WIPF2: variants seen among roughly 807,000 people sequenced by gnomAD.
The protein encoded by WIPF2 is WAS/WASL interacting protein family member 2.
WIPF2 carries 23 observed loss-of-function variants against 38.8 expected under a neutral mutation model. The ratio of observed to expected loss-of-function variants is 0.59; its 90% CI spans 0.43 to 0.84. The LOEUF is 0.84. WIPF2 is among the 40% of genes least tolerant of loss of function. The pLI is 0.00. For synonymous variants in WIPF2, 210 were observed against 223.2 expected (o/e 0.94, Z 0.53); for missense variants, 574 against 580.5 (o/e 0.99, Z 0.11).
chr17:40,261,686 T>TTTG (rs1567720738), intron 3 of WIPF2, among the ~76,000 whole-genome samples: 9 of 148,924 alleles, frequency 6.0e-5, no homozygotes, highest in African/African-American at 2.2e-4. Context: ...TTTTTGGTTT[T>TTTG]TTTTGTTTTT....
At chr17:40,277,241 A>G in intron 7 of WIPF2, 57 bp downstream of exon 7, 1 of 1,471,792 alleles carries the variant, frequency 6.8e-7, no homozygotes, top group Non-Finnish European at 9.3e-7. Context: ...GAATCTGTGC[A>G]TTTTCTTAGG....
chr17:40,265,099 G>A lies in WIPF2; in HGVS notation c.923G>A (p.Ser308Asn). Reference sequence around the variant, plus strand: ...ACCTCGGCCTCCCCATCTTTACTGAGTAATAGGCCACCTCCCCCAGCCCGA... The same window carrying A: ...ACCTCGGCCTCCCCATCTTTACTGAATAATAGGCCACCTCCCCCAGCCCGA... ...PPTSASPSLL[S>N]NRPPPPARDP... is the part of the protein sequence containing the mutation. Residue 308 changes from serine to asparagine, a missense_variant, in exon 5 of 8, where the codon AGT becomes AAT. Ser to Asn is a conservative substitution (Grantham distance 46, BLOSUM62 1). Transcript: ENST00000323571. 6.2e-7 allele frequency: 1 copy of A among 1,613,430 alleles called. No homozygotes were observed. The highest frequency in any genetic ancestry group is 8.5e-7 in the Non-Finnish European group (1 of 1,179,762).
chr17:40,255,481 A>G (rs1033782404), intron 1 of WIPF2, among the ~76,000 whole-genome samples: 8 of 151,428 alleles, frequency 5.3e-5, no homozygotes, highest in Admixed American at 1.3e-4. Context: ...ATGTGCCACC[A>G]TGCCCAGTTA....
In WIPF2 at chr17:40,238,614, TTTA is replaced by T. The variant is rs1249745064; in HGVS notation, c.-69-17768_-69-17766del. 3.8e-3 allele frequency among the ~76,000 whole-genome samples: 578 copies of T among 151,818 alleles called. 2 individuals carry two copies. Among genetic ancestry groups the T allele is most frequent in the African/African-American group, 0.014 (559 of 41,402 alleles). On this transcript the variant is annotated intron_variant, in intron 1 of 7. Coordinates refer to ENST00000323571, the MANE Select transcript of WIPF2 (RefSeq NM_133264.5). ...CACTGCACCTGCCCTTATTTATTTA[TTTA>T]TTATTATTTTTTTGAGACAGAATCT...
intron 1 of WIPF2, among the ~76,000 whole-genome samples, chr17:40,255,658 TCG>T (rs2031700876): frequency 7.7e-6 from 1 of 129,552 alleles, no homozygotes; most frequent in Non-Finnish European, 1.6e-5. Flanking sequence ...AGACGGAATC[TCG>T]CTCTGTCATC....
At chr17:40,231,239 G>C (rs2030726690) in intron 1 of WIPF2, among the ~76,000 whole-genome samples, 1 of 152,128 alleles carries the variant, frequency 6.6e-6, no homozygotes, top group Admixed American at 6.6e-5. Context: ...TTTGTTATTA[G>C]ATTATCTGTG....
intron 7 of WIPF2, 28 bp from the exon 8 acceptor site, chr17:40,278,157 G>A (rs2032464123): frequency 6.2e-7 from 1 of 1,607,322 alleles, no homozygotes; most frequent in Non-Finnish European, 8.5e-7. Context: ...ACCTGTATGT[G>A]TGTGGTCTTT....
chr17:40,244,697 A>G (rs2031302857), intron 1 of WIPF2, among the ~76,000 whole-genome samples: 1 of 152,158 alleles, frequency 6.6e-6, no homozygotes, highest in African/African-American at 2.4e-5. Flanking sequence ...CTATATATAA[A>G]GCCTCAGATT....
chr17:40,263,926 G>A lies in WIPF2; in HGVS notation c.314-564G>A, dbSNP rs140704798. On this transcript the variant is annotated intron_variant, in intron 4 of 7. Coordinates refer to ENST00000323571, the MANE Select transcript of WIPF2 (RefSeq NM_133264.5). ...TAGTTTGATTTAATCATTCCACAAC[G>A]TATACATATAACGAGACATTGTACC... is the stretch of plus-strand genomic sequence containing the variant. 2.7e-3 allele frequency among the ~76,000 whole-genome samples: 414 copies of A among 151,906 alleles called. 2 individuals carry two copies. The highest frequency in any genetic ancestry group is 9.4e-3 in the African/African-American group (390 of 41,394).
chr17:40,244,202 T>C (rs976135882), intron 1 of WIPF2, among the ~76,000 whole-genome samples: 1 of 152,186 alleles, frequency 6.6e-6, no homozygotes, highest in African/African-American at 2.4e-5. Context: ...TGTTATAGTC[T>C]GTCCTAGAAC....
chr17:40,235,134 G>A (rs567321974), intron 1 of WIPF2, among the ~76,000 whole-genome samples: 2 of 151,480 alleles, frequency 1.3e-5, no homozygotes, highest in East Asian at 3.9e-4. Context: ...TAGCCAGGAT[G>A]GCCGCCCGCC....
At chr17:40,251,504 C>G (rs2031561345) in intron 1 of WIPF2, among the ~76,000 whole-genome samples, 1 of 152,066 alleles carries the variant, frequency 6.6e-6, no homozygotes, top group Admixed American at 6.6e-5. Flanking sequence ...TGGGGCTGTT[C>G]TTGGAAACAT....
At chr17:40,229,188 C>T (rs1335166432) in intron 1 of WIPF2, among the ~76,000 whole-genome samples, 2 of 151,500 alleles carry the variant, frequency 1.3e-5, no homozygotes, top group East Asian at 1.9e-4. Flanking sequence ...CTCAACTCAC[C>T]GCAACCTCTG....
At chr17:40,274,286 T>C (rs2032325517) in intron 6 of WIPF2, among the ~76,000 whole-genome samples, 1 of 152,200 alleles carries the variant, frequency 6.6e-6, no homozygotes, top group Admixed American at 6.5e-5. Flanking sequence ...TAGCTAGCTT[T>C]TAGGTCAGAG....
At chr17:40,240,219 CA>C (rs1353047166) in intron 1 of WIPF2, among the ~76,000 whole-genome samples, 2 of 152,110 alleles carry the variant, frequency 1.3e-5, no homozygotes, top group Non-Finnish European at 2.9e-5. Context: ...TGAGCCACCA[CA>C]ATCGGCTAAT....
intron 1 of WIPF2, among the ~76,000 whole-genome samples, chr17:40,222,379 T>C (rs1455424253): frequency 1.0e-4 from 15 of 150,590 alleles, no homozygotes; most frequent in Non-Finnish European, 1.6e-4. Context: ...AAAACAAGGC[T>C]GGGCGCGCTG....
intron 1 of WIPF2, among the ~76,000 whole-genome samples, chr17:40,240,023 C>T (rs1282429717): frequency 6.6e-6 from 1 of 151,204 alleles, no homozygotes; most frequent in Non-Finnish European, 1.5e-5. Flanking sequence ...ATTTGCCTGG[C>T]AGCATGGGGA....
At chr17:40,262,311 G>A (rs957884216) in intron 3 of WIPF2, among the ~76,000 whole-genome samples, 1 of 151,794 alleles carries the variant, frequency 6.6e-6, no homozygotes, top group African/African-American at 2.4e-5. Context: ...TCGAACTCCT[G>A]AGCTTAAGTG....
At chr17:40,234,182 C>T (rs946580708) in intron 1 of WIPF2, among the ~76,000 whole-genome samples, 1 of 152,138 alleles carries the variant, frequency 6.6e-6, no homozygotes, top group Admixed American at 6.5e-5. Context: ...TCCTGGCCAA[C>T]ATGGTAAAAC....
Sources: gnomAD v4.1 joint callset for allele counts (sites outside exome capture counted in the v4.1 genomes callset) on GRCh38, gnomAD v4.1.1 for gene constraint, MANE v1.5 for transcripts, NCBI Gene and HGNC (gene_info 2026-07-23, HGNC 2026-07-21) for gene names.